The following UNC79 variants were observed in gnomAD, a reference collection of about 807,000 sequenced individuals.
The protein encoded by UNC79 is unc-79 subunit of NALCN channel complex, also known as protein unc-79 homolog.
Under a neutral mutation model 283.1 loss-of-function variants are expected in UNC79, and 37 were observed. That is an observed-to-expected ratio of 0.13 (90% CI 0.10 to 0.17). UNC79 has a LOEUF of 0.17. UNC79 is among the 10% of genes least tolerant of loss of function. UNC79 has a pLI of 1.00. For missense variants in UNC79, 2,272 were observed against 3,211.1 expected, an observed-to-expected ratio of 0.71 and a Z score of 7.07; for synonymous variants, 1,107 against 1,200.2, an observed-to-expected ratio of 0.92 and a Z score of 1.61.
intron 37 of UNC79, among the ~76,000 whole-genome samples, chr14:93,654,499 A>G (rs2070695817): frequency 6.7e-6 from 1 of 148,282 alleles, no homozygotes; most frequent in Non-Finnish European, 1.5e-5. Context: ...TCCAATGGCT[A>G]CATTACACTC....
intron 1 of UNC79, among the ~76,000 whole-genome samples, chr14:93,383,953 C>A (rs962115419): frequency 6.6e-6 from 1 of 152,200 alleles, no homozygotes; most frequent in African/African-American, 2.4e-5. Flanking sequence ...ACTTGCTCCT[C>A]CTTGCCTTTT....
At chr14:93,697,830 A>G (rs776545873) in intron 47 of UNC79, among the ~76,000 whole-genome samples, 1 of 152,194 alleles carries the variant, frequency 6.6e-6, no homozygotes, top group Non-Finnish European at 1.5e-5. Context: ...AGGCTGAGGT[A>G]GAGCACAATG....
chr14:93,380,703 T>A (rs1488889771), intron 1 of UNC79, among the ~76,000 whole-genome samples: 1 of 152,204 alleles, frequency 6.6e-6, no homozygotes, highest in Non-Finnish European at 1.5e-5. Context: ...GTCTGTGGTA[T>A]ATAGAAGGTA....
intron 17 of UNC79, among the ~76,000 whole-genome samples, chr14:93,576,418 G>A (rs1039757247): frequency 1.3e-5 from 2 of 151,794 alleles, no homozygotes; most frequent in Admixed American, 6.6e-5. Context: ...GTGTTCCCCC[G>A]ATTCTAAAAT....
At chr14:93,695,813 C>T (rs1277485685) in intron 47 of UNC79, among the ~76,000 whole-genome samples, 4 of 136,894 alleles carry the variant, frequency 2.9e-5, no homozygotes, top group Non-Finnish European at 6.1e-5. Context: ...AATCGCTTAA[C>T]CCGGAAGGTG....
At chr14:93,433,469 G>A (rs1212797377) in intron 1 of UNC79, among the ~76,000 whole-genome samples, 1 of 152,162 alleles carries the variant, frequency 6.6e-6, no homozygotes, top group Non-Finnish European at 1.5e-5. Flanking sequence ...TAAAAAGAAC[G>A]CAGATTGGCA....
At chr14:93,436,245 A>T (rs2056081854) in intron 1 of UNC79, among the ~76,000 whole-genome samples, 1 of 152,232 alleles carries the variant, frequency 6.6e-6, no homozygotes, top group Non-Finnish European at 1.5e-5. Flanking sequence ...CAATGTGAAC[A>T]TTGCACAAAA....
intron 14 of UNC79, among the ~76,000 whole-genome samples, chr14:93,544,440 G>A (rs532023768): frequency 6.6e-6 from 1 of 152,180 alleles, no homozygotes; most frequent in African/African-American, 2.4e-5. Flanking sequence ...TTTCGGGGGG[G>A]TTAACAGAAG....
At chr14:93,707,125 A>C (rs950789039), downstream of UNC79, 1 of 431,352 alleles carries the variant, frequency 2.3e-6, no homozygotes, top group Non-Finnish European at 4.0e-6. Context: ...GTTTCCTTAC[A>C]TTATTTTTTA....
At chr14:93,339,360 C>A (rs1185853738) in intron 1 of UNC79, among the ~76,000 whole-genome samples, 1 of 151,886 alleles carries the variant, frequency 6.6e-6, no homozygotes, top group Non-Finnish European at 1.5e-5. Flanking sequence ...AGTGCAGTGG[C>A]GTGATCTCGG....
chr14:93,471,451 A>G (rs532234735), intron 2 of UNC79, among the ~76,000 whole-genome samples: 2 of 152,290 alleles, frequency 1.3e-5, no homozygotes, highest in Admixed American at 1.3e-4. Context: ...CTGCAGAGTC[A>G]AACTCTTCTG....
chr14:93,345,234 G>T (rs2053798745), intron 1 of UNC79, among the ~76,000 whole-genome samples: 1 of 152,180 alleles, frequency 6.6e-6, no homozygotes, highest in Non-Finnish European at 1.5e-5. Context: ...ATCCAGAACT[G>T]TAAGAAATAC....
intron 27 of UNC79, among the ~76,000 whole-genome samples, chr14:93,616,582 C>T (rs1284202526): frequency 6.6e-6 from 1 of 152,054 alleles, no homozygotes; most frequent in African/African-American, 2.4e-5. Flanking sequence ...GTTGCCTGAG[C>T]ATACTCTTGG....
chr14:93,529,241 A>G, intron 9 of UNC79, 45 bp from the exon 10 acceptor site: 3 of 1,607,132 alleles, frequency 1.9e-6, no homozygotes, highest in Non-Finnish European at 2.6e-6. Flanking sequence ...GTGGAAGGAG[A>G]ACATTTCAAT....
chr14:93,660,481 C>T (rs550178827), intron 39 of UNC79, among the ~76,000 whole-genome samples: 1 of 132,034 alleles, frequency 7.6e-6, no homozygotes, highest in East Asian at 2.5e-4. Context: ...TGAGACATTC[C>T]TATTCCTTTC....
chr14:93,664,546 A>G (rs1466061844), intron 40 of UNC79, among the ~76,000 whole-genome samples: 1 of 152,162 alleles, frequency 6.6e-6, no homozygotes, highest in African/African-American at 2.4e-5. Flanking sequence ...TATCCCTAGC[A>G]AAAGGTCAGA....
intron 1 of UNC79, among the ~76,000 whole-genome samples, chr14:93,357,727 A>G (rs1337251055): frequency 1.1e-4 from 14 of 124,568 alleles, no homozygotes; most frequent in African/African-American, 2.6e-4. Flanking sequence ...ATATGGATAT[A>G]TGGATGTATA....
Position 93,683,196 on chromosome 14 carries a change from C to A in UNC79, c.6819+502C>A, listed in dbSNP as rs868580695. ...GTTCTATGAGACAAAAATCCCAATT[C>A]TCAACGACTTATGAAAGTTTATTGT... On this transcript the variant is annotated intron_variant, in intron 42 of 48. Transcript: ENST00000555664. Among the ~76,000 whole-genome samples the A allele has an allele frequency of 3.3e-5, 5 of 151,998 alleles. No individual in the cohort carries two copies. In the Middle Eastern group the frequency reaches 0.01, roughly 310 times the overall value.
chr14:93,564,243 T>C (rs1274404327), intron 14 of UNC79, among the ~76,000 whole-genome samples: 2 of 152,170 alleles, frequency 1.3e-5, no homozygotes, highest in Non-Finnish European at 2.9e-5. Context: ...TTAGGATCTA[T>C]GGGGTCAGCT....
Sources: allele counts gnomAD v4.1 joint callset (sites outside exome capture counted in the v4.1 genomes callset), GRCh38; gene constraint gnomAD v4.1.1; transcripts MANE v1.5; gene names NCBI Gene and HGNC (gene_info 2026-07-23, HGNC 2026-07-21).